The following ARHGAP8 variants were observed in gnomAD, a reference collection of about 807,000 sequenced individuals.
The protein encoded by ARHGAP8 is Rho GTPase activating protein 8, also known as rho GTPase-activating protein 8.
A neutral mutation model predicts 46.1 loss-of-function variants in ARHGAP8; 62 were observed. That is an observed-to-expected ratio of 1.34 (90% CI 1.10 to 1.66). ARHGAP8 has a LOEUF of 1.66. ARHGAP8 is among the 40% of genes most tolerant of loss of function. The pLI is 0.00. For missense variants in ARHGAP8, 923 were observed against 568.4 expected, an observed-to-expected ratio of 1.62 and a Z score of -6.34; for synonymous variants, 375 against 243.1, an observed-to-expected ratio of 1.54 and a Z score of -5.05.
At chr22:44,803,465 C>T (rs1928698744) in intron 3 of ARHGAP8, among the ~76,000 whole-genome samples, 1 of 150,346 alleles carries the variant, frequency 6.7e-6, no homozygotes, top group Non-Finnish European at 1.5e-5. Flanking sequence ...TGTGGCCTCT[C>T]CCTGTACATT....
In ARHGAP8 at chr22:44,862,611, GTATA is replaced by G. The variant is rs66912386; in HGVS notation, c.*18_*21del. ...ACGTCTCTAGTGTTGCGAACACTCT[GTATA>G]TTTCGAGCTACCTCCCACACCTGTC... On this transcript the variant is annotated 3_prime_UTR_variant, in exon 12 of 12. Coordinates refer to ENST00000356099, the MANE Select transcript of ARHGAP8 (RefSeq NM_181335.3). The G allele has an allele frequency of 0.2, 275,838 of 1,402,976 alleles. 27,382 individuals carry two copies. The highest frequency in any genetic ancestry group is 0.53 in the East Asian group (16,334 of 30,602). 86.9% of individuals were successfully genotyped at this position (1,402,976 alleles called of 1,614,324 possible). A position where few individuals can be genotyped will look rare whatever the true frequency, so the allele number is the denominator to read the frequency against.
In ARHGAP8 at chr22:44,838,242, A is replaced by G. The variant is rs180856364; in HGVS notation, c.597-7027A>G. ...AACCTCCGCCTCCCGGGTTCAAGCAATTCTCCTGCCTCAACCTCCTAAGTA... is the reference window on the plus strand; with the variant it reads ...AACCTCCGCCTCCCGGGTTCAAGCAGTTCTCCTGCCTCAACCTCCTAAGTA... On this transcript the variant is annotated intron_variant, in intron 7 of 11. Transcript: ENST00000356099. Among the ~76,000 whole-genome samples, 654 of 151,996 alleles carry G rather than the reference A, an allele frequency of 4.3e-3. 2 individuals are homozygous for G. Among genetic ancestry groups the G allele is most frequent in the African/African-American group, 0.015 (612 of 41,430 alleles).
intron 7 of ARHGAP8, among the ~76,000 whole-genome samples, chr22:44,831,749 A>G (rs567285027): frequency 6.6e-6 from 1 of 152,312 alleles, no homozygotes; most frequent in South Asian, 2.1e-4. Flanking sequence ...TTGTCTTGGT[A>G]CCTTGTCAAA....
chr22:44,831,593 G>A (rs551398569), intron 7 of ARHGAP8, among the ~76,000 whole-genome samples: 33 of 152,286 alleles, frequency 2.2e-4, no homozygotes, highest in African/African-American at 7.5e-4. Flanking sequence ...CAGCTACTCC[G>A]GGGACTGAGA....
chr22:44,818,941 C>G (rs1289609798), intron 5 of ARHGAP8, among the ~76,000 whole-genome samples: 2 of 152,252 alleles, frequency 1.3e-5, no homozygotes, highest in East Asian at 3.9e-4. Flanking sequence ...TCAAGTGATC[C>G]TCCTTTCTCA....
At chr22:44,801,668 A>G (rs1396068919) in intron 2 of ARHGAP8, among the ~76,000 whole-genome samples, 1 of 152,322 alleles carries the variant, frequency 6.6e-6, no homozygotes, top group East Asian at 1.9e-4. Flanking sequence ...ATTGTCCCCC[A>G]GGCCACCCTG....
chr22:44,777,251 G>C (rs1386506376), intron 1 of ARHGAP8: 1 of 152,100 alleles, frequency 6.6e-6, no homozygotes, highest in African/African-American at 2.4e-5. Flanking sequence ...TCTCACGCTA[G>C]GGGCCAGGGC....
In ARHGAP8 at chr22:44,849,044, G is replaced by A. The variant is rs1207648008; in HGVS notation, c.861G>A (p.Gln287=). Reference sequence around the variant, plus strand: ...TTCTGACCTTCCAGGCCTACGAGCAGATTCTCGGGATCACCTGTGCGTAGC... The same window carrying A: ...TTCTGACCTTCCAGGCCTACGAGCAAATTCTCGGGATCACCTGTGCGTAGC... ...QPLLTFQAYE[Q]ILGITCVESS... The change falls in exon 10 of 12, where the codon CAG becomes CAA. Residue 287 remains glutamine, a synonymous_variant. Transcript: ENST00000356099. The A allele has an allele frequency of 6.2e-7, 1 of 1,614,002 alleles. No individual in the cohort carries two copies. Among genetic ancestry groups the A allele is most frequent in the East Asian group, 2.2e-5 (1 of 44,878 alleles).
rs4823399 is a variant in ARHGAP8, at chr22:44,857,476, G to A, written c.878-2255G>A. The stretch of plus-strand genomic sequence containing the variant: ...AAACATACCAGTTTATTTACTAGAA[G>A]TTGCACATGACATGGGTACCTTCGT... On this transcript the variant is annotated intron_variant, in intron 10 of 11. Transcript: ENST00000356099. 3.5e-3 allele frequency among the ~76,000 whole-genome samples: 529 copies of A among 152,314 alleles called. 12 individuals carry two copies. In the East Asian group the frequency reaches 0.058, roughly 17 times the overall value.
At chr22:44,854,659 G>A (rs567312833) in intron 10 of ARHGAP8, among the ~76,000 whole-genome samples, 2 of 152,216 alleles carry the variant, frequency 1.3e-5, no homozygotes, top group Admixed American at 6.5e-5. Flanking sequence ...TTTGTGTTGA[G>A]ATGGAGTCTC....
At chr22:44,818,620 G>T (rs1929918923) in intron 5 of ARHGAP8, among the ~76,000 whole-genome samples, 1 of 152,134 alleles carries the variant, frequency 6.6e-6, no homozygotes, top group South Asian at 2.1e-4. Flanking sequence ...GGCTGACAAG[G>T]CTATTTAAGT....
chr22:44,760,579 C>T (rs1602138703), intron 1 of ARHGAP8, among the ~76,000 whole-genome samples: 1 of 152,206 alleles, frequency 6.6e-6, no homozygotes, highest in Non-Finnish European at 1.5e-5. Flanking sequence ...GTATGCCCTG[C>T]ACATCGGACT....
At chr22:44,777,222 C>T (rs1267087856) in intron 1 of ARHGAP8, 5 of 152,186 alleles carry the variant, frequency 3.3e-5, no homozygotes, top group Admixed American at 1.3e-4. Flanking sequence ...GGAGCAGCCT[C>T]TGTTATGGTA....
At chr22:44,832,196 T>A (rs966588215) in intron 7 of ARHGAP8, among the ~76,000 whole-genome samples, 1 of 151,288 alleles carries the variant, frequency 6.6e-6, no homozygotes, top group Non-Finnish European at 1.5e-5. Flanking sequence ...TTTTTTTTTT[T>A]AATTTGTGAT....
chr22:44,841,095 G>A (rs1049212564), intron 7 of ARHGAP8, among the ~76,000 whole-genome samples: 13 of 152,210 alleles, frequency 8.5e-5, no homozygotes, highest in South Asian at 6.2e-4. Flanking sequence ...AGGAGGAAGC[G>A]TGTGTGCCTG....
intron 11 of ARHGAP8, among the ~76,000 whole-genome samples, chr22:44,860,318 A>C (rs1029275793): frequency 5.3e-5 from 8 of 152,160 alleles, no homozygotes; most frequent in Middle Eastern, 3.4e-3. Context: ...AGCAGTCCAA[A>C]AGCAAGGTGT....
At chr22:44,843,764 G>A (rs753114547) in intron 7 of ARHGAP8, among the ~76,000 whole-genome samples, 1 of 148,268 alleles carries the variant, frequency 6.7e-6, no homozygotes, top group South Asian at 2.1e-4. Context: ...GGTCAAGGCT[G>A]CAGCTAGCCA....
chr22:44,851,797 C>T (rs1180267749), intron 10 of ARHGAP8, among the ~76,000 whole-genome samples: 1 of 151,970 alleles, frequency 6.6e-6, no homozygotes, highest in Non-Finnish European at 1.5e-5. Flanking sequence ...CATGATCACA[C>T]CACTGTACTC....
intron 1 of ARHGAP8, among the ~76,000 whole-genome samples, chr22:44,766,390 G>A (rs970295484): frequency 4.0e-5 from 6 of 151,334 alleles, no homozygotes; most frequent in African/African-American, 1.5e-4. Flanking sequence ...AGGAGTCAGA[G>A]TGTGTGTGGG....
Sources: allele counts gnomAD v4.1 joint callset (sites outside exome capture counted in the v4.1 genomes callset), GRCh38; gene constraint gnomAD v4.1.1; transcripts MANE v1.5; gene names NCBI Gene and HGNC (gene_info 2026-07-23, HGNC 2026-07-21).